SERGEF: variants seen among roughly 807,000 people sequenced by gnomAD.
The protein encoded by SERGEF is secretion-regulating guanine nucleotide exchange factor.
SERGEF carries 51 observed loss-of-function variants against 50.0 expected under a neutral mutation model. The observed-to-expected ratio is 1.02, with a 90% CI of 0.81 to 1.29. The LOEUF (loss-of-function observed/expected upper bound fraction) is 1.29, where lower values mean the gene tolerates loss of function less well. Among genes scored for constraint, SERGEF ranks in the 50% most tolerant of loss-of-function variants. SERGEF has a pLI of 0.00. For synonymous variants in SERGEF, 205 were observed against 212.4 expected (o/e 0.97, Z 0.30); for missense variants, 521 against 557.0 (o/e 0.94, Z 0.65).
At chr11:17,929,305 C>T (rs756993653) in intron 9 of SERGEF, among the ~76,000 whole-genome samples, 3 of 152,220 alleles carry the variant, frequency 2.0e-5, no homozygotes, top group African/African-American at 7.2e-5. Context: ...AAATCACTGA[C>T]GCTATTTCAA....
chr11:17,953,870 G>A (rs756855612), intron 9 of SERGEF, among the ~76,000 whole-genome samples: 1 of 152,204 alleles, frequency 6.6e-6, no homozygotes, highest in Non-Finnish European at 1.5e-5. Flanking sequence ...TCTCTTCTGA[G>A]TGTTCATGGG....
At chr11:17,915,025 G>C (rs574438278) in intron 9 of SERGEF, among the ~76,000 whole-genome samples, 1 of 152,168 alleles carries the variant, frequency 6.6e-6, no homozygotes, top group African/African-American at 2.4e-5. Flanking sequence ...GCAATCTTAC[G>C]TCCCTTTTAG....
chr11:17,927,351 T>C (rs1565207007), intron 9 of SERGEF, among the ~76,000 whole-genome samples: 1 of 152,230 alleles, frequency 6.6e-6, no homozygotes, highest in Admixed American at 6.5e-5. Context: ...AATGCCTCAC[T>C]AAAACCTAAG....
chr11:17,830,639 G>GGA (rs1850282596), intron 10 of SERGEF, among the ~76,000 whole-genome samples: 2 of 42,522 alleles, frequency 4.7e-5, no homozygotes, highest in African/African-American at 1.2e-4. Context: ...AAAGGGGGAG[G>GGA]GAGAGGGAGG....
At chr11:17,959,712 G>C (rs971853090) in intron 8 of SERGEF, 76 bp from the exon 9 acceptor site, 2 of 1,322,354 alleles carry the variant, frequency 1.5e-6, no homozygotes, top group Non-Finnish European at 1.0e-6. Context: ...AATTACAAGA[G>C]AAAGTGTGAC....
At chr11:17,874,230 G>C (rs1851201614) in intron 10 of SERGEF, 1 of 152,244 alleles carries the variant, frequency 6.6e-6, no homozygotes, top group African/African-American at 2.4e-5. Context: ...CTATGCCATT[G>C]GGAAGAACAA....
Position 17,882,659 on chromosome 11 carries a change from G to A in SERGEF, c.1012-4415C>T, listed in dbSNP as rs145291277. 1.1e-4 allele frequency among the ~76,000 whole-genome samples: 17 copies of A among 152,162 alleles called. No individual in the cohort carries two copies. The East Asian group carries it at 3.3e-3, about 29-fold the overall frequency. On this transcript the variant is annotated intron_variant, in intron 9 of 10. Coordinates refer to ENST00000265965, the MANE Select transcript of SERGEF (RefSeq NM_012139.4). Reference sequence around the variant, plus strand: ...CTTTCTGCACACAATCTAAGTACAGGGCATGGGGGTGAGGAGATGGCAGTA... The same window carrying A: ...CTTTCTGCACACAATCTAAGTACAGAGCATGGGGGTGAGGAGATGGCAGTA...
chr11:17,909,184 T>A (rs965842024), intron 9 of SERGEF, among the ~76,000 whole-genome samples: 1 of 152,234 alleles, frequency 6.6e-6, no homozygotes, highest in African/African-American at 2.4e-5. Flanking sequence ...AAGCCATTGT[T>A]TTCCTAGGAA....
rs1297777787 is a variant in SERGEF, at chr11:18,012,669, C to CCAGA, written c.60+278_60+281dup. Reference sequence around the variant, plus strand: ...TTCGGGCTGGAGGGCTCTCGCGGAACCAGACGCTCTGCCCCGAGGCAGGTT... The same window carrying CCAGA: ...TTCGGGCTGGAGGGCTCTCGCGGAACCAGACAGACGCTCTGCCCCGAGGCAGGTT... On this transcript the variant is annotated intron_variant, in intron 1 of 10. Coordinates refer to ENST00000265965, the MANE Select transcript of SERGEF (RefSeq NM_012139.4). 1.5e-5 allele frequency: 18 copies of CCAGA among 1,172,550 alleles called. No individual in the cohort carries two copies. In the Middle Eastern group the frequency reaches 1.3e-3, roughly 82 times the overall value. 72.6% of individuals were successfully genotyped at this position (1,172,550 alleles called of 1,614,324 possible).
chr11:17,849,768 C>A (rs1850678343), intron 10 of SERGEF, among the ~76,000 whole-genome samples: 1 of 152,146 alleles, frequency 6.6e-6, no homozygotes, highest in Non-Finnish European at 1.5e-5. Flanking sequence ...AATCTTAGGA[C>A]CTGAGAGATT....
intron 9 of SERGEF, among the ~76,000 whole-genome samples, chr11:17,894,935 T>C (rs752429728): frequency 6.6e-5 from 10 of 152,224 alleles, no homozygotes; most frequent in Non-Finnish European, 1.5e-4. Flanking sequence ...CCCTGGGTGA[T>C]GCCACAGGGC....
At chr11:17,967,388 C>T (rs760694688) in intron 8 of SERGEF, among the ~76,000 whole-genome samples, 4 of 152,190 alleles carry the variant, frequency 2.6e-5, no homozygotes, top group Middle Eastern at 3.2e-3. Flanking sequence ...GGGACACACA[C>T]GTGGGCTGGA....
At chr11:17,949,324 A>G (rs1852728145) in intron 9 of SERGEF, among the ~76,000 whole-genome samples, 1 of 151,984 alleles carries the variant, frequency 6.6e-6, no homozygotes, top group African/African-American at 2.4e-5. Context: ...AAAGTACCCA[A>G]TGGAGCCTGG....
At chr11:17,896,862 G>A (rs1851651833) in intron 9 of SERGEF, among the ~76,000 whole-genome samples, 1 of 3,612 alleles carries the variant, frequency 2.8e-4, no homozygotes, top group Admixed American at 1.7e-3. Context: ...GTAAGGGAAG[G>A]GAAGGGAAGG....
chr11:18,012,774 T>TC, intron 1 of SERGEF, 177 bp downstream of exon 1: 5 of 1,285,090 alleles, frequency 3.9e-6, no homozygotes, highest in South Asian at 2.6e-5. Context: ...GACCCTTCCT[T>TC]CCCCGCCCGC....
At chr11:17,883,559 A>C (rs933356203) in intron 9 of SERGEF, among the ~76,000 whole-genome samples, 1 of 152,200 alleles carries the variant, frequency 6.6e-6, no homozygotes, top group Non-Finnish European at 1.5e-5. Context: ...CAGGGAAGCA[A>C]GGTAACTTGT....
intron 9 of SERGEF, among the ~76,000 whole-genome samples, chr11:17,933,826 T>C (rs1852400224): frequency 6.6e-6 from 1 of 152,134 alleles, no homozygotes; most frequent in Non-Finnish European, 1.5e-5. Flanking sequence ...ATCATCAAAA[T>C]AAGTGTCTTT....
intron 9 of SERGEF, among the ~76,000 whole-genome samples, chr11:17,915,571 G>GGCATCAGT (rs1852034465): frequency 6.6e-6 from 1 of 152,072 alleles, no homozygotes; most frequent in Non-Finnish European, 1.5e-5. Flanking sequence ...TAACTCAGCT[G>GGCATCAGT]ACCCAAAAAA....
chr11:17,825,764 A>G (rs1424077281), intron 10 of SERGEF, among the ~76,000 whole-genome samples: 1 of 152,186 alleles, frequency 6.6e-6, no homozygotes, highest in Non-Finnish European at 1.5e-5. Flanking sequence ...AAGCTTGGAC[A>G]TTAGGTGTAT....
Sources: allele counts gnomAD v4.1 joint callset (sites outside exome capture counted in the v4.1 genomes callset), GRCh38; gene constraint gnomAD v4.1.1; transcripts MANE v1.5; gene names NCBI Gene and HGNC (gene_info 2026-07-23, HGNC 2026-07-21).